SPMIP7: variants seen among roughly 807,000 people sequenced by gnomAD.
SPMIP7 encodes protein SPMIP7.
At chr7:50,138,788 A>G in the SPMIP7 span, among the ~76,000 whole-genome samples, 1 of 151,070 alleles carries the variant, frequency 6.6e-6, no homozygotes, top group East Asian at 2.0e-4. Flanking sequence ...GGTAATTGGT[A>G]GAAAAAGGAA....
chr7:50,151,341 A>G, the SPMIP7 span: 6 of 893,234 alleles, frequency 6.7e-6, no homozygotes, highest in African/African-American at 8.5e-5. Flanking sequence ...AAAAAATTAG[A>G]CTGCATATTT....
the SPMIP7 span, among the ~76,000 whole-genome samples, chr7:50,147,685 T>C: frequency 6.6e-6 from 1 of 152,250 alleles, no homozygotes; most frequent in Non-Finnish European, 1.5e-5. Flanking sequence ...TCCCTTCTTC[T>C]GAGTTACTAA....
At chr7:50,134,403 C>T in the SPMIP7 span, among the ~76,000 whole-genome samples, 2 of 152,116 alleles carry the variant, frequency 1.3e-5, no homozygotes, top group African/African-American at 4.8e-5. Context: ...CACACACACA[C>T]ACGTATGGAG....
the SPMIP7 span, among the ~76,000 whole-genome samples, chr7:50,110,792 TATG>T: frequency 1.8e-5 from 2 of 113,654 alleles, no homozygotes. Flanking sequence ...TTATAACTAA[TATG>T]ATATCTAACA....
At chr7:50,103,082 G>A in the SPMIP7 span, among the ~76,000 whole-genome samples, 8 of 146,684 alleles carry the variant, frequency 5.5e-5, no homozygotes, top group African/African-American at 1.7e-4. Context: ...TATAATATTA[G>A]ATAGGTGGCA....
At chr7:50,113,864 A>C in the SPMIP7 span, among the ~76,000 whole-genome samples, 1 of 152,136 alleles carries the variant, frequency 6.6e-6, no homozygotes, top group Non-Finnish European at 1.5e-5. Context: ...AATTATGCCC[A>C]AAACACATCA....
At chr7:50,136,004 T>C in the SPMIP7 span, 8 of 876,678 alleles carry the variant, frequency 9.1e-6, no homozygotes, top group Non-Finnish European at 1.5e-5. Context: ...GGCATAGCTA[T>C]GACGTAGAAA....
the SPMIP7 span, among the ~76,000 whole-genome samples, chr7:50,103,428 T>C: frequency 6.6e-6 from 1 of 152,136 alleles, no homozygotes; most frequent in Non-Finnish European, 1.5e-5. Context: ...TCAACGGCAA[T>C]CCATCTGCAG....
chr7:50,124,775 G>T, the SPMIP7 span, among the ~76,000 whole-genome samples: 1 of 152,148 alleles, frequency 6.6e-6, no homozygotes, highest in East Asian at 1.9e-4. Flanking sequence ...AGACAAGAAA[G>T]ATCTAAAATT....
the SPMIP7 span, among the ~76,000 whole-genome samples, chr7:50,132,771 C>G: frequency 6.6e-6 from 1 of 152,168 alleles, no homozygotes; most frequent in Admixed American, 6.6e-5. Flanking sequence ...AACAAGAACA[C>G]TATGGACTCA....
the SPMIP7 span, among the ~76,000 whole-genome samples, chr7:50,154,932 C>T: frequency 6.6e-6 from 1 of 152,086 alleles, no homozygotes; most frequent in South Asian, 2.1e-4. Context: ...TTTGTATTTC[C>T]CCGATGAGCA....
the SPMIP7 span, among the ~76,000 whole-genome samples, chr7:50,136,549 C>T: frequency 6.6e-6 from 1 of 151,940 alleles, no homozygotes; most frequent in African/African-American, 2.4e-5. Flanking sequence ...TAAATAAATA[C>T]AATAATATAA....
chr7:50,143,593 T>C, the SPMIP7 span, among the ~76,000 whole-genome samples: 1 of 152,244 alleles, frequency 6.6e-6, no homozygotes, highest in Non-Finnish European at 1.5e-5. Context: ...TGATTTTGTT[T>C]TATGGTTACT....
the SPMIP7 span, among the ~76,000 whole-genome samples, chr7:50,101,546 C>T: frequency 3.3e-5 from 5 of 152,188 alleles, no homozygotes; most frequent in East Asian, 1.9e-4. Flanking sequence ...GATACTGAAA[C>T]GGAGTGGAGG....
chr7:50,123,711 T>C, the SPMIP7 span, among the ~76,000 whole-genome samples: 816 of 151,852 alleles, frequency 5.4e-3, 9 homozygotes, highest in African/African-American at 0.019. Flanking sequence ...TAAAACGCAA[T>C]GTAAAGAAGT....
At chr7:50,118,707 C>T in the SPMIP7 span, among the ~76,000 whole-genome samples, 2 of 152,296 alleles carry the variant, frequency 1.3e-5, no homozygotes, top group South Asian at 4.1e-4. Context: ...TCACCATTGT[C>T]CCTATTACCC....
the SPMIP7 span, among the ~76,000 whole-genome samples, chr7:50,145,618 G>GTGTATATATATATA: frequency 3.6e-5 from 1 of 27,712 alleles, no homozygotes; most frequent in African/African-American, 1.5e-4. Context: ...ATATGTGTGT[G>GTGTATATATATATA]TATATATATA....
chr7:50,133,413 T>TTTAA, the SPMIP7 span, among the ~76,000 whole-genome samples: 1 of 152,194 alleles, frequency 6.6e-6, no homozygotes, highest in Non-Finnish European at 1.5e-5. Flanking sequence ...GACCAATAGC[T>TTTAA]GACCTTAAGC....
the SPMIP7 span, among the ~76,000 whole-genome samples, chr7:50,146,650 A>G: frequency 2.0e-5 from 3 of 152,046 alleles, no homozygotes; most frequent in Admixed American, 6.6e-5. Context: ...ACAAACCCCA[A>G]CTCACAATGG....
Sources: allele counts gnomAD v4.1 joint callset (sites outside exome capture counted in the v4.1 genomes callset), GRCh38; gene constraint gnomAD v4.1.1; transcripts MANE v1.5; gene names NCBI Gene and HGNC (gene_info 2026-07-23, HGNC 2026-07-21).